Variants in CYB5RL observed in about 807,000 individuals in gnomAD.
CYB5RL encodes cytochrome b5 reductase like, also known as NADH-cytochrome b5 reductase-like.
A neutral mutation model predicts 37.5 loss-of-function variants in CYB5RL; 38 were observed. The ratio of observed to expected loss-of-function variants is 1.01; its 90% CI spans 0.78 to 1.33. The LOEUF (loss-of-function observed/expected upper bound fraction) is 1.33. CYB5RL is among the 40% of genes most tolerant of loss of function. The pLI is 0.00. For missense variants in CYB5RL, 388 were observed against 394.4 expected (o/e 0.98, Z 0.14); for synonymous variants, 141 against 151.9 (o/e 0.93, Z 0.53).
chr1:54,180,234 CT>C, intron 6 of CYB5RL: 2 of 195,454 alleles, frequency 1.0e-5, no homozygotes, highest in Non-Finnish European at 1.9e-5. Context: ...AAGATTCCAT[CT>C]AAAAAAAAAA....
rs558980469 is a variant in CYB5RL at position 54,180,100 on chromosome 1, G to A, written c.541-748C>T. 1.3e-3 allele frequency: 560 copies of A among 438,678 alleles called. 8 individuals are homozygous for A. Among genetic ancestry groups the A allele is most frequent in the South Asian group, 8.3e-3 (508 of 60,920 alleles). 27.2% of individuals were successfully genotyped at this position (438,678 alleles called of 1,614,324 possible). The stretch of plus-strand genomic sequence containing the variant: ...AAAAATACAAAAATTAGCCAAGCGT[G>A]GTGGTGCACGCCTGTAGTCCCAGCT... On this transcript the variant is annotated intron_variant, in intron 6 of 7. Coordinates refer to ENST00000534324, the MANE Select transcript of CYB5RL (RefSeq NM_001031672.4).
intron 1 of CYB5RL, among the ~76,000 whole-genome samples, chr1:54,198,523 G>A (rs1399902471): frequency 6.6e-6 from 1 of 151,700 alleles, no homozygotes; most frequent in African/African-American, 2.4e-5. Context: ...TAGTAGAGAC[G>A]GGGTTTCACT....
At chr1:54,180,319 C>G in intron 6 of CYB5RL, 1 of 364,356 alleles carries the variant, frequency 2.7e-6, no homozygotes. Flanking sequence ...TTTCCAGGCT[C>G]TAGGCCTCTT....
chr1:54,179,219 A>C lies in CYB5RL; in HGVS notation c.674T>G (p.Ile225Ser), dbSNP rs1187697879. 1.9e-6 allele frequency: 3 copies of C among 1,613,774 alleles called. No individual in the cohort carries two copies. The Admixed American group carries it at 5.0e-5, about 27-fold the overall frequency. Reference protein sequence around the residue: ...LVGCFKTFESIYLKTFLQEQA... With the variant: ...LVGCFKTFESSYLKTFLQEQA... ...CTCTTGGAGGAAGGTTTTCAGGTAGATGCTCTCAAAGGTCTTGAAGCAACC... is the reference window on the plus strand; with the variant it reads ...CTCTTGGAGGAAGGTTTTCAGGTAGCTGCTCTCAAAGGTCTTGAAGCAACC... Residue 225 changes from isoleucine (I) to serine (S), a missense_variant, in exon 7 of 8, where the codon ATC becomes AGC. By Grantham distance (142) the Ile-to-Ser change is moderately radical. Transcript: ENST00000534324.
intron 4 of CYB5RL, among the ~76,000 whole-genome samples, chr1:54,189,710 C>T (rs1643932527): frequency 1.3e-5 from 2 of 152,140 alleles, no homozygotes; most frequent in Non-Finnish European, 2.9e-5. Flanking sequence ...TGGAAGGATG[C>T]CTGGGGCCAT....
intron 4 of CYB5RL, among the ~76,000 whole-genome samples, chr1:54,189,156 C>T (rs554600226): frequency 7.2e-5 from 11 of 151,926 alleles, no homozygotes; most frequent in African/African-American, 2.7e-4. Context: ...GCACTCCAAC[C>T]TGGGTGACAG....
rs1231737419 is a variant in CYB5RL, at chr1:54,187,646, A to G, written c.435+6T>C. On this transcript the variant is annotated splice_donor_region_variant and intron_variant, in intron 5 of 7. Coordinates refer to ENST00000534324, the MANE Select transcript of CYB5RL (RefSeq NM_001031672.4). ...CATCTTGGAGCATCCTCAAGGGTCAACTCACCTTAATTAACACTTCAAAGT... is the reference window on the plus strand; with the variant it reads ...CATCTTGGAGCATCCTCAAGGGTCAGCTCACCTTAATTAACACTTCAAAGT... 2.5e-6 allele frequency: 4 copies of G among 1,613,616 alleles called. No homozygotes were observed. The highest frequency in any genetic ancestry group is 2.7e-5 in the African/African-American group (2 of 74,908).
rs1659915268 is a variant in CYB5RL at position 54,172,379 on chromosome 1, T to G, written c.*2240A>C. ...TTGTAGAGACAGGGTTTTGTCATGTTGGCCAGGCTGGCCTCGAACTTCTGG... is the reference window on the plus strand; with the variant it reads ...TTGTAGAGACAGGGTTTTGTCATGTGGGCCAGGCTGGCCTCGAACTTCTGG... On this transcript the variant is annotated 3_prime_UTR_variant, in exon 8 of 8. Coordinates refer to ENST00000534324, the MANE Select transcript of CYB5RL (RefSeq NM_001031672.4). 6.7e-6 allele frequency: 1 copy of G among 148,374 alleles called. No homozygotes were observed. The highest frequency in any genetic ancestry group is 1.5e-5 in the Non-Finnish European group (1 of 67,414). The allele number at this position is 148,374 out of a possible 1,614,324, so 9.2% of individuals were successfully genotyped here.
chr1:54,177,785 G>A (rs1018415453), intron 7 of CYB5RL, among the ~76,000 whole-genome samples: 22 of 152,324 alleles, frequency 1.4e-4, no homozygotes, highest in African/African-American at 2.2e-4. Flanking sequence ...CTTTTCAGCC[G>A]TCTCTGTGGC....
At chr1:54,183,956 C>T in intron 6 of CYB5RL, 1 of 300,644 alleles carries the variant, frequency 3.3e-6, no homozygotes, top group Non-Finnish European at 6.0e-6. Flanking sequence ...GCCTGGGCAA[C>T]AAGAGCGAAA....
In CYB5RL at chr1:54,174,130, C is replaced by T. The variant is rs1659960574; in HGVS notation, c.*489G>A. The T allele has an allele frequency of 5.5e-6, 1 of 181,820 alleles. No individual in the cohort carries two copies. The highest frequency in any genetic ancestry group is 1.2e-4 in the East Asian group (1 of 8,200). The allele number at this position is 181,820 out of a possible 1,614,324, so 11.3% of individuals were successfully genotyped here. A position where few individuals can be genotyped will look rare whatever the true frequency, so the allele number is the denominator to read the frequency against. On this transcript the variant is annotated 3_prime_UTR_variant, in exon 8 of 8. Transcript: ENST00000534324. ...ACCTTCATGTGTCAGGCTCATGGCA[C>T]TGGAGGAAAGGCAGAATCCTCCTCC...
chr1:54,187,642 G>T lies in CYB5RL; in HGVS notation c.435+10C>A. ...ACGGCATCTTGGAGCATCCTCAAGGGTCAACTCACCTTAATTAACACTTCA... is the reference window on the plus strand; with the variant it reads ...ACGGCATCTTGGAGCATCCTCAAGGTTCAACTCACCTTAATTAACACTTCA... On this transcript the variant is annotated intron_variant, in intron 5 of 7. Coordinates refer to ENST00000534324, the MANE Select transcript of CYB5RL (RefSeq NM_001031672.4). 6.2e-7 allele frequency: 1 copy of T among 1,613,434 alleles called. No homozygotes were observed. Among genetic ancestry groups the T allele is most frequent in the Non-Finnish European group, 8.5e-7 (1 of 1,179,488 alleles).
In CYB5RL at chr1:54,195,583, C is replaced by A; in HGVS notation, c.34G>T (p.Glu12Ter). 6 of 1,613,034 alleles carry A rather than the reference C, an allele frequency of 3.7e-6. No homozygotes were observed. The highest frequency in any genetic ancestry group is 5.1e-6 in the Non-Finnish European group (6 of 1,179,246). The change falls in exon 3 of 8, where the codon GAG (glutamate) becomes TAG (stop). Residue 12 changes from glutamate (E) to a stop codon, truncating the protein, a stop_gained. Transcript: ENST00000534324. LOFTEE classifies it high-confidence loss of function. ...GGCCGTAGCTGCATCCAGGCTTCCT[C>A]AGTGTCGTCGTCCTCTTCCCTCTCA... is the stretch of plus-strand genomic sequence containing the variant. ...MAEREEDDDT[E>*]EAWMQLRPTE...
chr1:54,195,786 T>G, intron 2 of CYB5RL, 71 bp from the exon 3 acceptor site: 10 of 637,052 alleles, frequency 1.6e-5, no homozygotes, highest in South Asian at 3.5e-5. Flanking sequence ...AGCCTGCAGG[T>G]GCCAGGCTCT....
In CYB5RL at chr1:54,174,776, T is replaced by C. The variant is rs750255497; in HGVS notation, c.791A>G (p.His264Arg). Residue 264 changes from histidine (H) to arginine (R), a missense_variant, in exon 8 of 8, where the codon CAC becomes CGC. By Grantham distance (29) the His-to-Arg change is conservative. Coordinates refer to ENST00000534324, the MANE Select transcript of CYB5RL (RefSeq NM_001031672.4). The stretch of plus-strand genomic sequence containing the variant: ...TAGGTCCTGGCCCAGGTGGCCAAAG[T>C]GGGTTTTCTCTTGGTAACTCCAGGG... ...QLPWSYQEKT[H>R]FGHLGQDLIK... The C allele has an allele frequency of 1.2e-6, 2 of 1,613,896 alleles. No individual in the cohort carries two copies. Among genetic ancestry groups the C allele is most frequent in the Non-Finnish European group, 1.7e-6 (2 of 1,179,856 alleles).
chr1:54,185,473 G>T (rs1278526045), intron 5 of CYB5RL: 1 of 152,314 alleles, frequency 6.6e-6, no homozygotes, highest in Middle Eastern at 3.2e-3. Context: ...GACAGGACTG[G>T]AAGGGTGTTT....
At position 54,170,964 on chromosome 1, in the gene CYB5RL, C is replaced by T; in HGVS notation, c.*3655G>A. ...TCCTGAACATTAGTTGTTTATCGCT[C>T]AGGTATTCGACATCCAGGAAGTGCT... On this transcript the variant is annotated 3_prime_UTR_variant, in exon 8 of 8. Coordinates refer to ENST00000534324, the MANE Select transcript of CYB5RL (RefSeq NM_001031672.4). The T allele has an allele frequency of 5.6e-6, 2 of 356,356 alleles. No homozygotes were observed. The highest frequency in any genetic ancestry group is 3.6e-5 in the Admixed American group (1 of 28,060). The allele number at this position is 356,356 out of a possible 1,614,324, so 22.1% of individuals were successfully genotyped here.
At chr1:54,189,125 G>C (rs1202793241) in intron 4 of CYB5RL, among the ~76,000 whole-genome samples, 1 of 152,194 alleles carries the variant, frequency 6.6e-6, no homozygotes, top group East Asian at 1.9e-4. Flanking sequence ...GGAGGTTGCA[G>C]TGAGCTGAGA....
intron 6 of CYB5RL, chr1:54,180,225 A>G (rs1328138180): frequency 2.6e-6 from 1 of 381,042 alleles, no homozygotes; most frequent in Non-Finnish European, 5.0e-6. Flanking sequence ...CAACAGAGCA[A>G]GATTCCATCT....
Sources: gnomAD v4.1 joint callset for allele counts (sites outside exome capture counted in the v4.1 genomes callset) on GRCh38, gnomAD v4.1.1 for gene constraint, MANE v1.5 for transcripts, NCBI Gene and HGNC (gene_info 2026-07-23, HGNC 2026-07-21) for gene names.